AATF: variants seen among roughly 807,000 people sequenced by gnomAD.
The protein encoded by AATF is apoptosis antagonizing transcription factor, also known as protein AATF.
Under a neutral mutation model 63.7 loss-of-function variants are expected in AATF, and 48 were observed. The ratio of observed to expected loss-of-function variants is 0.75; its 90% CI spans 0.60 to 0.96. The LOEUF (loss-of-function observed/expected upper bound fraction) is 0.96. Among genes scored for constraint, AATF ranks in the 40% least tolerant of loss-of-function variants. The pLI is 0.00. For missense variants in AATF, 639 were observed against 685.7 expected (o/e 0.93, Z 0.76); for synonymous variants, 258 against 247.7 (o/e 1.04, Z -0.39).
intron 4 of AATF, among the ~76,000 whole-genome samples, chr17:36,977,750 T>C (rs1258490051): frequency 6.6e-6 from 1 of 152,142 alleles, no homozygotes; most frequent in Non-Finnish European, 1.5e-5. Flanking sequence ...GTAAATAAAC[T>C]TGGTTTTTAA....
At chr17:36,952,815 A>G (rs2070865784) in intron 2 of AATF, 71 bp from the exon 3 acceptor site, 1 of 1,542,458 alleles carries the variant, frequency 6.5e-7, no homozygotes, top group East Asian at 2.3e-5. Context: ...TTAAGTTGAA[A>G]TGAAGTCTAT....
intron 8 of AATF, among the ~76,000 whole-genome samples, chr17:37,002,538 G>A (rs535124009): frequency 2.0e-5 from 3 of 151,686 alleles, no homozygotes; most frequent in Non-Finnish European, 4.4e-5. Context: ...TAGCCGTGGT[G>A]GTGGGCGCCT....
At chr17:37,022,552 G>A (rs113606618) in intron 10 of AATF, among the ~76,000 whole-genome samples, 8 of 151,852 alleles carry the variant, frequency 5.3e-5, no homozygotes, top group South Asian at 4.2e-4. Context: ...TGAAATTTCC[G>A]AATCTTCATA....
At chr17:36,991,240 C>A (rs554738291) in intron 8 of AATF, among the ~76,000 whole-genome samples, 1 of 152,226 alleles carries the variant, frequency 6.6e-6, no homozygotes, top group East Asian at 1.9e-4. Flanking sequence ...GGGCTGGGAT[C>A]CCAGAGTTCC....
intron 11 of AATF, among the ~76,000 whole-genome samples, chr17:37,048,389 T>C (rs1033683829): frequency 8.1e-6 from 1 of 124,046 alleles, no homozygotes; most frequent in Non-Finnish European, 1.6e-5. Context: ...TTTTTTTTTT[T>C]AGATGGAGTC....
chr17:36,955,428 A>G (rs1467384549), intron 4 of AATF, among the ~76,000 whole-genome samples: 1 of 151,986 alleles, frequency 6.6e-6, no homozygotes, highest in Non-Finnish European at 1.5e-5. Flanking sequence ...TGTGTGGGTG[A>G]GGTGGGCCAT....
At chr17:36,957,818 A>T (rs2070914440) in intron 4 of AATF, among the ~76,000 whole-genome samples, 1 of 152,108 alleles carries the variant, frequency 6.6e-6, no homozygotes, top group Non-Finnish European at 1.5e-5. Flanking sequence ...TGATAACCCT[A>T]ACTATTGCCT....
intron 11 of AATF, among the ~76,000 whole-genome samples, chr17:37,048,363 CTTTTTTTTTT>C (rs60374815): frequency 2.1e-4 from 15 of 70,832 alleles, no homozygotes; most frequent in African/African-American, 7.4e-4. Flanking sequence ...TTTTTCTTTT[CTTTTTTTTTT>C]TTTTTTTTTT....
At chr17:36,984,907 T>A (rs927277732) in intron 4 of AATF, among the ~76,000 whole-genome samples, 3 of 150,644 alleles carry the variant, frequency 2.0e-5, no homozygotes, top group African/African-American at 7.3e-5. Flanking sequence ...CACAGTTTTT[T>A]TTTTTTTTTT....
chr17:37,020,416 A>G (rs2071460337), intron 9 of AATF, among the ~76,000 whole-genome samples: 1 of 142,096 alleles, frequency 7.0e-6, no homozygotes, highest in South Asian at 2.1e-4. Context: ...TAACAATTTA[A>G]ACAATTTAAA....
intron 11 of AATF, among the ~76,000 whole-genome samples, chr17:37,042,479 A>G (rs1008551815): frequency 3.3e-5 from 5 of 151,248 alleles, no homozygotes; most frequent in South Asian, 4.2e-4. Flanking sequence ...CAGTAGCCCA[A>G]TTATAGCTCA....
intron 11 of AATF, among the ~76,000 whole-genome samples, chr17:37,047,459 C>A (rs2071702969): frequency 6.6e-6 from 1 of 152,114 alleles, no homozygotes; most frequent in Non-Finnish European, 1.5e-5. Context: ...GAGAAGAAAA[C>A]CTGTCCACGT....
chr17:36,983,940 G>C (rs1434917305), intron 4 of AATF, among the ~76,000 whole-genome samples: 3 of 152,146 alleles, frequency 2.0e-5, no homozygotes, highest in Non-Finnish European at 4.4e-5. Context: ...AGGTAGGTTG[G>C]CTCTCAGGCC....
intron 4 of AATF, among the ~76,000 whole-genome samples, chr17:36,964,941 C>T (rs1462635664): frequency 2.0e-5 from 3 of 152,112 alleles, no homozygotes; most frequent in African/African-American, 7.2e-5. Context: ...TTTTCAGGCT[C>T]TCTTTTGTTA....
intron 8 of AATF, among the ~76,000 whole-genome samples, chr17:37,010,794 A>G (rs1055139472): frequency 6.6e-6 from 1 of 152,228 alleles, no homozygotes; most frequent in Non-Finnish European, 1.5e-5. Context: ...GTGCATATGC[A>G]GAAGCAGCCT....
intron 11 of AATF, chr17:37,055,282 G>A (rs930054338): frequency 3.3e-5 from 5 of 152,198 alleles, no homozygotes; most frequent in Admixed American, 1.3e-4. Flanking sequence ...ACATGATAAG[G>A]CTAGCTTACA....
rs376196400 is a variant in AATF at position 36,953,803 on chromosome 17, A to G, written c.728A>G (p.Lys243Arg). The change falls in exon 4 of 12, where the codon AAA becomes AGA. Residue 243 changes from lysine (K) to arginine (R), a missense_variant. Coordinates refer to ENST00000619387, the MANE Select transcript of AATF (RefSeq NM_012138.4). ...LWDQLLEGRIKLQKALLTTNQ... is the reference protein window; with the variant it reads ...LWDQLLEGRIRLQKALLTTNQ... ...GACCAGCTCTTGGAAGGAAGGATCA[A>G]ACTACAAAAAGCTCTGTTGACCACC... 1.2e-5 allele frequency: 20 copies of G among 1,613,988 alleles called. No individual in the cohort carries two copies. In the African/African-American group the frequency reaches 2.4e-4, roughly 19 times the overall value.
rs568489198 is a variant in AATF at position 37,039,584 on chromosome 17, G to A, written c.1619+7899G>A. On this transcript the variant is annotated intron_variant, in intron 11 of 11. Coordinates refer to ENST00000619387, the MANE Select transcript of AATF (RefSeq NM_012138.4). ...TTGCTTGTTGATTCTCAGGTGGGTA[G>A]CACCACACGTTTGACCCCCCAGCAG... Among the ~76,000 whole-genome samples the A allele has an allele frequency of 2.6e-5, 4 of 152,276 alleles. No individual in the cohort carries two copies. The South Asian group carries it at 8.3e-4, about 32-fold the overall frequency.
chr17:37,031,674 T>C lies in AATF; in HGVS notation c.1608T>C (p.Asn536=), dbSNP rs1224457578. ...CACCTATTGACCATACTACAATGAA[T>C]GATGATGCCAGGTGAGTAATAGATT... The part of the protein sequence containing the change: ...FMAPIDHTTM[N]DDARTELYRS... Residue 536 remains asparagine, a synonymous_variant, in exon 11 of 12, where the codon AAT becomes AAC. Coordinates refer to ENST00000619387, the MANE Select transcript of AATF (RefSeq NM_012138.4). The C allele has an allele frequency of 1.2e-6, 2 of 1,613,784 alleles. No individual in the cohort carries two copies. Among genetic ancestry groups the C allele is most frequent in the African/African-American group, 2.7e-5 (2 of 74,912 alleles).
Sources: allele counts gnomAD v4.1 joint callset (sites outside exome capture counted in the v4.1 genomes callset), GRCh38; gene constraint gnomAD v4.1.1; transcripts MANE v1.5; gene names NCBI Gene and HGNC (gene_info 2026-07-23, HGNC 2026-07-21).